DLGAP1: variants seen among roughly 807,000 people sequenced by gnomAD.
DLGAP1 encodes DLG associated protein 1.
DLGAP1 carries 11 observed loss-of-function variants against 90.8 expected under a neutral mutation model. The observed-to-expected ratio is 0.12, with a 90% CI of 0.08 to 0.20. DLGAP1 has a LOEUF of 0.20. Among genes scored for constraint, DLGAP1 ranks in the 10% least tolerant of loss-of-function variants. The pLI is 1.00. For missense variants in DLGAP1, 1,050 were observed against 1,333.8 expected, an observed-to-expected ratio of 0.79 and a Z score of 3.31; for synonymous variants, 558 against 540.7, an observed-to-expected ratio of 1.03 and a Z score of -0.44.
In DLGAP1 at chr18:4,048,974, C is replaced by A. The variant is rs552093837; in HGVS notation, c.-158-43773G>T. On this transcript the variant is annotated intron_variant, in intron 2 of 12. Coordinates refer to ENST00000315677, the MANE Select transcript of DLGAP1 (RefSeq NM_004746.4). ...GGGCACAGTGGTGCACACCTGTAAT[C>A]CTGGCACTTTGGGAGGCCGAGGGAG... 2.0e-5 allele frequency among the ~76,000 whole-genome samples: 3 copies of A among 152,268 alleles called. No homozygotes were observed. In the East Asian group the frequency reaches 5.8e-4, roughly 29 times the overall value.
intron 3 of DLGAP1, among the ~76,000 whole-genome samples, chr18:3,970,956 T>A (rs927942612): frequency 1.3e-5 from 2 of 152,168 alleles, no homozygotes; most frequent in Non-Finnish European, 2.9e-5. Flanking sequence ...ATGCATTTAT[T>A]TCCAGAAGTG....
At chr18:3,782,380 G>A (rs545050435) in intron 5 of DLGAP1, among the ~76,000 whole-genome samples, 30 of 152,228 alleles carry the variant, frequency 2.0e-4, no homozygotes, top group Admixed American at 3.9e-4. Flanking sequence ...CAAGTGATCC[G>A]CCTGTCTTGG....
intron 7 of DLGAP1, among the ~76,000 whole-genome samples, chr18:3,726,596 T>C (rs1304343131): frequency 6.6e-6 from 1 of 152,228 alleles, no homozygotes; most frequent in East Asian, 1.9e-4. Context: ...AAGGTAATAT[T>C]GGAAAAATAT....
chr18:3,628,030 C>T (rs932415333), intron 7 of DLGAP1, among the ~76,000 whole-genome samples: 4 of 151,720 alleles, frequency 2.6e-5, no homozygotes, highest in Non-Finnish European at 5.9e-5. Context: ...AGGCGCGCAC[C>T]ACACCTGGCT....
At chr18:4,247,072 TAGGACAAGG>T (rs1455239991) in intron 1 of DLGAP1, among the ~76,000 whole-genome samples, 1 of 151,896 alleles carries the variant, frequency 6.6e-6, no homozygotes, top group African/African-American at 2.4e-5. Flanking sequence ...GTAGTTGTAA[TAGGACAAGG>T]AGGAGAAGGA....
At chr18:4,271,746 T>C (rs1382039259) in intron 1 of DLGAP1, among the ~76,000 whole-genome samples, 1 of 152,202 alleles carries the variant, frequency 6.6e-6, no homozygotes, top group African/African-American at 2.4e-5. Flanking sequence ...TATTACTTCT[T>C]AGTGATTTTA....
At chr18:4,403,546 A>T (rs2082600567) in intron 1 of DLGAP1, among the ~76,000 whole-genome samples, 1 of 152,154 alleles carries the variant, frequency 6.6e-6, no homozygotes. Flanking sequence ...TTACGCACAA[A>T]AATTCTGATG....
chr18:3,890,068 C>T (rs1427737371), intron 3 of DLGAP1, among the ~76,000 whole-genome samples: 1 of 152,164 alleles, frequency 6.6e-6, no homozygotes, highest in Non-Finnish European at 1.5e-5. Context: ...GCTTACTCAT[C>T]CAAGTAAAGG....
At chr18:4,442,246 C>T (rs1437655215) in intron 1 of DLGAP1, among the ~76,000 whole-genome samples, 1 of 152,184 alleles carries the variant, frequency 6.6e-6, no homozygotes, top group Non-Finnish European at 1.5e-5. Context: ...GATCCGCCCA[C>T]CTCGGCCTCC....
At chr18:4,228,211 A>T (rs1023369116) in intron 1 of DLGAP1, among the ~76,000 whole-genome samples, 5 of 152,014 alleles carry the variant, frequency 3.3e-5, no homozygotes, top group Non-Finnish European at 7.4e-5. Flanking sequence ...AAGCTACCAT[A>T]AACAGTATCC....
At chr18:4,288,433 T>C (rs987207785) in intron 1 of DLGAP1, among the ~76,000 whole-genome samples, 1 of 152,194 alleles carries the variant, frequency 6.6e-6, no homozygotes, top group East Asian at 1.9e-4. Context: ...TTTTCCTTTA[T>C]GGCTGTTATA....
At chr18:4,296,163 G>A (rs758803995) in intron 1 of DLGAP1, among the ~76,000 whole-genome samples, 6 of 152,278 alleles carry the variant, frequency 3.9e-5, no homozygotes, top group East Asian at 1.9e-4. Flanking sequence ...ACCACCCTGC[G>A]TCTTAATTTT....
intron 4 of DLGAP1, among the ~76,000 whole-genome samples, chr18:3,844,562 T>A (rs1297101412): frequency 1.3e-5 from 2 of 152,224 alleles, no homozygotes; most frequent in Non-Finnish European, 1.5e-5. Context: ...TGATGGTTTC[T>A]AATTCCATAA....
At chr18:4,013,251 G>T (rs139728030) in intron 2 of DLGAP1, among the ~76,000 whole-genome samples, 1 of 151,944 alleles carries the variant, frequency 6.6e-6, no homozygotes, top group Non-Finnish European at 1.5e-5. Context: ...ATTTACATAC[G>T]CAATCATTTA....
chr18:3,963,634 T>G (rs1391255265), intron 3 of DLGAP1, among the ~76,000 whole-genome samples: 1 of 151,730 alleles, frequency 6.6e-6, no homozygotes, highest in African/African-American at 2.4e-5. Context: ...TGGATTACAT[T>G]TGCCTTCTGG....
At chr18:3,968,972 A>G (rs1375138273) in intron 3 of DLGAP1, among the ~76,000 whole-genome samples, 2 of 152,186 alleles carry the variant, frequency 1.3e-5, no homozygotes, top group South Asian at 4.1e-4. Flanking sequence ...CTTTCTTTTA[A>G]AAGACATTTT....
At chr18:3,696,452 A>T (rs1384599832) in intron 7 of DLGAP1, among the ~76,000 whole-genome samples, 2 of 152,176 alleles carry the variant, frequency 1.3e-5, no homozygotes, top group African/African-American at 4.8e-5. Context: ...CTATTGAAAT[A>T]ATCGTGTGTT....
chr18:3,816,235 G>A (rs2067099136), intron 4 of DLGAP1, among the ~76,000 whole-genome samples: 1 of 152,122 alleles, frequency 6.6e-6, no homozygotes, highest in Non-Finnish European at 1.5e-5. Flanking sequence ...ACTAGGGTTC[G>A]AGGTGTTTAA....
rs1285225814 is a variant in DLGAP1, at chr18:3,517,396, T to A, written c.2480-8735A>T. Among the ~76,000 whole-genome samples the A allele has an allele frequency of 1.3e-5, 2 of 152,256 alleles. No homozygotes were observed. The highest frequency in any genetic ancestry group is 2.9e-5 in the Non-Finnish European group (2 of 68,038). On this transcript the variant is annotated intron_variant, in intron 10 of 12. Transcript: ENST00000315677. The surrounding 1 kb of genome is among the most constrained non-coding windows in gnomAD (Gnocchi z 4.1). ...TGGATAACTTACTGCAGCTTCTCCA[T>A]CATCACTAGGAATTCACCTTGCATT...
Sources: allele counts gnomAD v4.1 joint callset (sites outside exome capture counted in the v4.1 genomes callset), GRCh38; gene constraint gnomAD v4.1.1; non-coding constraint Gnocchi (gnomAD v3.1); transcripts MANE v1.5; gene names NCBI Gene and HGNC (gene_info 2026-07-23, HGNC 2026-07-21).